FAR2: variants seen among roughly 807,000 people sequenced by gnomAD.
FAR2 encodes fatty acyl-CoA reductase 2, also known as epididymis secretory protein Li 81.
Under a neutral mutation model 56.0 loss-of-function variants are expected in FAR2, and 19 were observed. That is an observed-to-expected ratio of 0.34 (90% CI 0.24 to 0.50). The LOEUF (loss-of-function observed/expected upper bound fraction) is 0.50, where lower values mean the gene tolerates loss of function less well. FAR2 is among the 20% of genes least tolerant of loss of function. The pLI is 0.98. For missense variants in FAR2, 508 were observed against 642.2 expected, an observed-to-expected ratio of 0.79 and a Z score of 2.26; for synonymous variants, 219 against 218.8, an observed-to-expected ratio of 1.00 and a Z score of -0.01.
At chr12:29,252,809 T>G (rs1291123286) in intron 1 of FAR2, among the ~76,000 whole-genome samples, 1 of 152,226 alleles carries the variant, frequency 6.6e-6, no homozygotes, top group African/African-American at 2.4e-5. Flanking sequence ...CGGGGTGGAC[T>G]TGTGATGGTT....
intron 1 of FAR2, among the ~76,000 whole-genome samples, chr12:29,225,743 C>G (rs1163526081): frequency 6.6e-6 from 1 of 152,194 alleles, no homozygotes. Flanking sequence ...TCTGTCTCCA[C>G]TGGAGCTGCC....
At chr12:29,332,022 CCTT>C (rs1275936556) in intron 10 of FAR2, 1 of 153,394 alleles carries the variant, frequency 6.5e-6, no homozygotes, top group Non-Finnish European at 1.4e-5. Context: ...TCTTCCTTCT[CCTT>C]CTTCCCTACT....
intron 1 of FAR2, among the ~76,000 whole-genome samples, chr12:29,178,284 GC>G (rs1282807933): frequency 6.6e-6 from 1 of 152,076 alleles, no homozygotes; most frequent in African/African-American, 2.4e-5. Context: ...AAAAGCATAT[GC>G]CCATAAATAA....
rs563890784 is a variant in FAR2, at chr12:29,250,294, A to C, written c.-38-20118A>C. Reference sequence around the variant, plus strand: ...TCTGACCAGATTCTGTTCTGGTCAGACCAGTTGGATCCATTGGTCCAACCA... The same window carrying C: ...TCTGACCAGATTCTGTTCTGGTCAGCCCAGTTGGATCCATTGGTCCAACCA... On this transcript the variant is annotated intron_variant, in intron 1 of 11. Transcript: ENST00000536681. 9.8e-5 allele frequency among the ~76,000 whole-genome samples: 15 copies of C among 152,286 alleles called. No homozygotes were observed. In the South Asian group the frequency reaches 3.1e-3, roughly 32 times the overall value.
intron 1 of FAR2, among the ~76,000 whole-genome samples, chr12:29,150,220 G>C (rs1949671513): frequency 6.6e-6 from 1 of 152,220 alleles, no homozygotes; most frequent in African/African-American, 2.4e-5. Flanking sequence ...AACAATTCAT[G>C]CCCAATCGTA....
intron 1 of FAR2, among the ~76,000 whole-genome samples, chr12:29,184,066 G>T (rs1333006281): frequency 6.6e-6 from 1 of 152,102 alleles, no homozygotes; most frequent in Non-Finnish European, 1.5e-5. Flanking sequence ...TTAAAGAGTG[G>T]TACCCTTTAA....
intron 1 of FAR2, among the ~76,000 whole-genome samples, chr12:29,252,629 T>C (rs562226759): frequency 6.6e-6 from 1 of 152,324 alleles, no homozygotes; most frequent in South Asian, 2.1e-4. Context: ...GTTACAGATA[T>C]CACGAAAAAA....
chr12:29,270,564 G>A lies in FAR2; in HGVS notation c.115G>A (p.Val39Ile), dbSNP rs1438785462. Residue 39 changes from valine to isoleucine, a missense_variant, in exon 2 of 12, where the codon GTC (valine) becomes ATC (isoleucine). Coordinates refer to ENST00000536681, the MANE Select transcript of FAR2 (RefSeq NM_001271783.2). ...KLFRTSPDLK[V>I]IYILVRPKAG... ...GTTTCGCACCAGCCCAGACCTGAAA[G>A]TCATTTACATCCTTGTGAGGCCCAA... 2 of 1,614,048 alleles carry A rather than the reference G, an allele frequency of 1.2e-6. No homozygotes were observed. The highest frequency in any genetic ancestry group is 1.3e-5 in the African/African-American group (1 of 74,944).
intron 10 of FAR2, among the ~76,000 whole-genome samples, chr12:29,325,818 C>G (rs1315240458): frequency 2.6e-5 from 4 of 152,040 alleles, no homozygotes; most frequent in African/African-American, 9.7e-5. Context: ...AAAATTGACA[C>G]CCTAACATCA....
intron 10 of FAR2, among the ~76,000 whole-genome samples, chr12:29,330,058 T>TTG (rs1730150806): frequency 6.8e-6 from 1 of 147,064 alleles, no homozygotes; most frequent in Admixed American, 6.8e-5. Flanking sequence ...ATTTATGACT[T>TTG]TTTTTTTTTT....
chr12:29,296,741 G>C (rs1364665313), intron 3 of FAR2, among the ~76,000 whole-genome samples: 1 of 152,152 alleles, frequency 6.6e-6, no homozygotes, highest in African/African-American at 2.4e-5. Context: ...TAAATTCAGA[G>C]TATTGTAATT....
chr12:29,182,018 T>C (rs1949997066), intron 1 of FAR2, among the ~76,000 whole-genome samples: 1 of 152,216 alleles, frequency 6.6e-6, no homozygotes, highest in African/African-American at 2.4e-5. Flanking sequence ...TGTATGTGAT[T>C]TGAAGAGAGG....
At chr12:29,266,789 G>A (rs184128078) in intron 1 of FAR2, among the ~76,000 whole-genome samples, 2 of 152,034 alleles carry the variant, frequency 1.3e-5, no homozygotes, top group East Asian at 3.9e-4. Context: ...CTATGTACCA[G>A]CAAAAATGTA....
chr12:29,215,698 A>G (rs1219927129), intron 1 of FAR2, among the ~76,000 whole-genome samples: 1 of 152,222 alleles, frequency 6.6e-6, no homozygotes, highest in Admixed American at 6.5e-5. Context: ...TCCAAACCAC[A>G]GATTCTATGT....
chr12:29,162,562 TC>T (rs1204957518), intron 1 of FAR2, among the ~76,000 whole-genome samples: 2 of 152,108 alleles, frequency 1.3e-5, no homozygotes, highest in Non-Finnish European at 2.9e-5. Flanking sequence ...AATAAATGCA[TC>T]CCCTTGGAAA....
In FAR2 at chr12:29,333,982, C is replaced by A; in HGVS notation, c.*188C>A. ...GAGAGAAGGAAAGTTGTAAACTAGC[C>A]CATAGTCACCTATATTTTAGGGAAA... On this transcript the variant is annotated 3_prime_UTR_variant, in exon 12 of 12. Coordinates refer to ENST00000536681, the MANE Select transcript of FAR2 (RefSeq NM_001271783.2). 4 of 486,102 alleles carry A rather than the reference C, an allele frequency of 8.2e-6. No individual in the cohort carries two copies. Among genetic ancestry groups the A allele is most frequent in the South Asian group, 4.5e-5 (1 of 22,202 alleles). The allele number at this position is 486,102 out of a possible 1,614,324, so 30.1% of individuals were successfully genotyped here. A position where few individuals can be genotyped will look rare whatever the true frequency, so the allele number is the denominator to read the frequency against.
chr12:29,318,781 T>TG (rs1428470036), intron 9 of FAR2, among the ~76,000 whole-genome samples: 1 of 152,162 alleles, frequency 6.6e-6, no homozygotes, highest in Non-Finnish European at 1.5e-5. Flanking sequence ...CTTTTTTTTC[T>TG]ACTGCAAATA....
chr12:29,162,559 G>T (rs1237064761), intron 1 of FAR2, among the ~76,000 whole-genome samples: 1 of 152,054 alleles, frequency 6.6e-6, no homozygotes, highest in Non-Finnish European at 1.5e-5. Context: ...ACAAATAAAT[G>T]CATCCCCTTG....
intron 2 of FAR2, 36 bp from the exon 3 acceptor site, chr12:29,293,264 C>G (rs774231789): frequency 2.1e-6 from 3 of 1,440,016 alleles, no homozygotes; most frequent in Non-Finnish European, 2.8e-6. Context: ...AATGATGGTG[C>G]TATTTTTTGT....
Sources: gnomAD v4.1 joint callset for allele counts (sites outside exome capture counted in the v4.1 genomes callset) on GRCh38, gnomAD v4.1.1 for gene constraint, MANE v1.5 for transcripts, NCBI Gene and HGNC (gene_info 2026-07-23, HGNC 2026-07-21) for gene names.